GFOD1: variants seen among roughly 807,000 people sequenced by gnomAD.
GFOD1 encodes glucose-fructose oxidoreductase domain-containing protein 1.
GFOD1 carries 9 observed loss-of-function variants against 25.4 expected under a neutral mutation model. The observed-to-expected ratio is 0.35, with a 90% CI of 0.21 to 0.62. The LOEUF (loss-of-function observed/expected upper bound fraction) is 0.62, where lower values mean the gene tolerates loss of function less well. Among genes scored for constraint, GFOD1 ranks in the 20% least tolerant of loss-of-function variants. The pLI is 0.72. For missense variants in GFOD1, 403 were observed against 556.9 expected (o/e 0.72, Z 2.78); for synonymous variants, 253 against 245.6 (o/e 1.03, Z -0.28).
intron 1 of GFOD1, among the ~76,000 whole-genome samples, chr6:13,388,701 G>A (rs1000077429): frequency 6.6e-6 from 1 of 152,126 alleles, no homozygotes; most frequent in African/African-American, 2.4e-5. Flanking sequence ...ACACAGACAT[G>A]GGCAAAGACT....
chr6:13,452,947 TGTGAAAG>T (rs1758124427), intron 1 of GFOD1, among the ~76,000 whole-genome samples: 1 of 152,156 alleles, frequency 6.6e-6, no homozygotes, highest in African/African-American at 2.4e-5. Context: ...CTGGGCCAGA[TGTGAAAG>T]GGAATCTGGT....
chr6:13,457,605 A>C (rs903708298), intron 1 of GFOD1, among the ~76,000 whole-genome samples: 2 of 152,246 alleles, frequency 1.3e-5, no homozygotes, highest in Non-Finnish European at 2.9e-5. Context: ...GTGCCAGAGC[A>C]TGACTGATTA....
At chr6:13,366,846 G>C (rs1264592112) in intron 1 of GFOD1, among the ~76,000 whole-genome samples, 1 of 151,662 alleles carries the variant, frequency 6.6e-6, no homozygotes, top group East Asian at 1.9e-4. Context: ...TAAATAGTAA[G>C]GTTTATTTTA....
chr6:13,461,233 G>A (rs1758285095), intron 1 of GFOD1, among the ~76,000 whole-genome samples: 1 of 152,196 alleles, frequency 6.6e-6, no homozygotes, highest in African/African-American at 2.4e-5. Context: ...GGGGTATCTT[G>A]TGCATGGTGG....
rs528074080 is a variant in GFOD1, at chr6:13,471,133, T to C, written c.253+15505A>G. 5.3e-5 allele frequency among the ~76,000 whole-genome samples: 8 copies of C among 152,236 alleles called. 1 individual carries two copies. In the South Asian group the frequency reaches 1.7e-3, roughly 32 times the overall value. Reference sequence around the variant, plus strand: ...ATGGAACTGCACAGCATGTTGGCAGTAGGGCAGAAAGCACCTTACTCTGAA... The same window carrying C: ...ATGGAACTGCACAGCATGTTGGCAGCAGGGCAGAAAGCACCTTACTCTGAA... On this transcript the variant is annotated intron_variant, in intron 1 of 1. Transcript: ENST00000379287.
Position 13,360,981 on chromosome 6 carries a change from C to A in GFOD1, c.*3762G>T. The A allele has an allele frequency of 2.5e-6, 1 of 398,240 alleles. No homozygotes were observed. Among genetic ancestry groups the A allele is most frequent in the Non-Finnish European group, 5.0e-6 (1 of 198,276 alleles). 24.7% of individuals were successfully genotyped at this position (398,240 alleles called of 1,614,324 possible). On this transcript the variant is annotated 3_prime_UTR_variant, in exon 2 of 2. Coordinates refer to ENST00000379287, the MANE Select transcript of GFOD1 (RefSeq NM_018988.4). ...GAACAAGTTCCTCTTCCTCTTACTG[C>A]CTCCATTTTCTCATGTGTATAAAAG...
In GFOD1 at chr6:13,362,200, C is replaced by G. The variant is rs911005660; in HGVS notation, c.*2543G>C. 2 of 152,108 alleles carry G rather than the reference C, an allele frequency of 1.3e-5. No individual in the cohort carries two copies. Among genetic ancestry groups the G allele is most frequent in the Non-Finnish European group, 2.9e-5 (2 of 68,036 alleles). The allele number at this position is 152,108 out of a possible 1,614,324, so 9.4% of individuals were successfully genotyped here. A position where few individuals can be genotyped will look rare whatever the true frequency, so the allele number is the denominator to read the frequency against. On this transcript the variant is annotated 3_prime_UTR_variant, in exon 2 of 2. Coordinates refer to ENST00000379287, the MANE Select transcript of GFOD1 (RefSeq NM_018988.4). ...AGAATCAGCTGGGTGTGGTGGCTCA[C>G]GCCTGCAACCCCAGCACTTTGCAAG...
chr6:13,463,593 G>C (rs1258088314), intron 1 of GFOD1, among the ~76,000 whole-genome samples: 1 of 152,202 alleles, frequency 6.6e-6, no homozygotes, highest in Non-Finnish European at 1.5e-5. Context: ...ATTAAGCATG[G>C]TGAAATCAGT....
At chr6:13,438,591 C>T (rs986168296) in intron 1 of GFOD1, among the ~76,000 whole-genome samples, 46 of 152,248 alleles carry the variant, frequency 3.0e-4, no homozygotes, top group Non-Finnish European at 1.5e-4. Context: ...TATTCATCTA[C>T]ACTGCTGAGC....
At chr6:13,374,273 T>TTTTGTG (rs1554199406) in intron 1 of GFOD1, among the ~76,000 whole-genome samples, 25 of 134,406 alleles carry the variant, frequency 1.9e-4, no homozygotes, top group African/African-American at 7.0e-4. Flanking sequence ...TGTTTTTTTT[T>TTTTGTG]TGTGTGTGTG....
At chr6:13,478,888 T>A (rs951353856) in intron 1 of GFOD1, among the ~76,000 whole-genome samples, 3 of 152,150 alleles carry the variant, frequency 2.0e-5, no homozygotes, top group African/African-American at 7.2e-5. Flanking sequence ...TCCTGCGTCA[T>A]GTGGGAAACC....
intron 1 of GFOD1, among the ~76,000 whole-genome samples, chr6:13,393,543 A>G (rs1481923236): frequency 2.0e-5 from 3 of 152,050 alleles, no homozygotes; most frequent in African/African-American, 7.2e-5. Context: ...TCACGGTACC[A>G]TAACAGGGGT....
intron 1 of GFOD1, among the ~76,000 whole-genome samples, chr6:13,390,268 C>T (rs1181721871): frequency 6.6e-6 from 1 of 152,166 alleles, no homozygotes; most frequent in East Asian, 1.9e-4. Flanking sequence ...ACCTTCTGGG[C>T]TTCCATTTTG....
At chr6:13,437,410 G>A (rs769156580) in intron 1 of GFOD1, among the ~76,000 whole-genome samples, 1 of 152,166 alleles carries the variant, frequency 6.6e-6, no homozygotes, top group Admixed American at 6.5e-5. Context: ...CTTTCTGCAA[G>A]GCTAGAATTG....
At chr6:13,419,815 T>G (rs944194811) in intron 1 of GFOD1, among the ~76,000 whole-genome samples, 1 of 152,166 alleles carries the variant, frequency 6.6e-6, no homozygotes, top group Non-Finnish European at 1.5e-5. Context: ...TGTTCATGTC[T>G]CCCTCCCTTG....
chr6:13,463,655 G>A (rs1758330815), intron 1 of GFOD1, among the ~76,000 whole-genome samples: 1 of 152,174 alleles, frequency 6.6e-6, no homozygotes, highest in Admixed American at 6.5e-5. Context: ...ATGAAAGAAA[G>A]AAAATACGAT....
intron 1 of GFOD1, among the ~76,000 whole-genome samples, chr6:13,446,276 C>T (rs1758000612): frequency 6.6e-6 from 1 of 152,162 alleles, no homozygotes; most frequent in African/African-American, 2.4e-5. Context: ...CAAACACAGG[C>T]CTGTACACTT....
chr6:13,484,132 C>T (rs1758814294), intron 1 of GFOD1, among the ~76,000 whole-genome samples: 1 of 151,982 alleles, frequency 6.6e-6, no homozygotes, highest in South Asian at 2.1e-4. Context: ...CACTGTGGTC[C>T]CTAGACCACA....
chr6:13,484,102 A>T (rs1276654805), intron 1 of GFOD1, among the ~76,000 whole-genome samples: 1 of 152,160 alleles, frequency 6.6e-6, no homozygotes, highest in Non-Finnish European at 1.5e-5. Context: ...GTGTGATTCA[A>T]TTGATCTGAA....
Sources: gnomAD v4.1 joint callset for allele counts (sites outside exome capture counted in the v4.1 genomes callset) on GRCh38, gnomAD v4.1.1 for gene constraint, MANE v1.5 for transcripts, NCBI Gene and HGNC (gene_info 2026-07-23, HGNC 2026-07-21) for gene names.